The following EPB41L4B variants were observed in gnomAD, a reference collection of about 807,000 sequenced individuals.
EPB41L4B encodes band 4.1-like protein 4B.
Under a neutral mutation model 112.5 loss-of-function variants are expected in EPB41L4B, and 30 were observed. The ratio of observed to expected loss-of-function variants is 0.27; its 90% CI spans 0.20 to 0.36. EPB41L4B has a LOEUF of 0.36. Ranked by LOEUF, EPB41L4B falls within the 10% of genes least tolerant of loss-of-function variation. The pLI is 1.00. For missense variants in EPB41L4B, 1,024 were observed against 1,133.3 expected, an observed-to-expected ratio of 0.90 and a Z score of 1.38; for synonymous variants, 408 against 439.7, an observed-to-expected ratio of 0.93 and a Z score of 0.90.
rs542754618 is a variant in EPB41L4B at position 109,304,640 on chromosome 9, A to G, written c.306+15501T>C. Among the ~76,000 whole-genome samples, 9 of 152,318 alleles carry G rather than the reference A, an allele frequency of 5.9e-5. No homozygotes were observed. The East Asian group carries it at 1.5e-3, about 26-fold the overall frequency. ...AGTTGCCTGATCTCTGTGTGCCTCAATCTCCTATATAATGAGGATACCAAT... is the reference window on the plus strand; with the variant it reads ...AGTTGCCTGATCTCTGTGTGCCTCAGTCTCCTATATAATGAGGATACCAAT... On this transcript the variant is annotated intron_variant, in intron 1 of 25. Coordinates refer to ENST00000374566, the MANE Select transcript of EPB41L4B (RefSeq NM_019114.5).
intron 15 of EPB41L4B, among the ~76,000 whole-genome samples, chr9:109,226,634 AATAT>A (rs879781420): frequency 8.5e-6 from 1 of 117,058 alleles, no homozygotes; most frequent in Non-Finnish European, 1.8e-5. Flanking sequence ...ATATATGAAG[AATAT>A]ATATATATAT....
rs1373928168 is a variant in EPB41L4B, at chr9:109,182,731, T to G, written c.2485A>C (p.Thr829Pro). 6.2e-7 allele frequency: 1 copy of G among 1,609,656 alleles called. No individual in the cohort carries two copies. The highest frequency in any genetic ancestry group is 1.7e-5 in the Admixed American group (1 of 59,994). The change falls in exon 24 of 26, where the codon ACT (threonine) becomes CCT (proline). Residue 829 changes from threonine (T) to proline (P), a missense_variant and splice_region_variant. Physicochemically the swap from Thr to Pro is conservative, Grantham distance 38 (BLOSUM62 -1). Transcript: ENST00000374566. ...ATCTGTTTTCTGGATCTACTTACAG[T>G]AAACTGTGGCCCTGTGGTGAAAGTA... ...PDTFTTGPQF[T>P]ADFRDSKLQC...
chr9:109,259,734 C>T (rs1835130358), intron 6 of EPB41L4B, among the ~76,000 whole-genome samples: 1 of 152,198 alleles, frequency 6.6e-6, no homozygotes, highest in African/African-American at 2.4e-5. Context: ...CCCTTCTTTT[C>T]CTTTTACCTG....
intron 18 of EPB41L4B, among the ~76,000 whole-genome samples, chr9:109,205,324 G>A (rs575485183): frequency 6.6e-6 from 1 of 152,054 alleles, no homozygotes; most frequent in Non-Finnish European, 1.5e-5. Context: ...TTACCTATTT[G>A]TCATCTCTTC....
intron 1 of EPB41L4B, among the ~76,000 whole-genome samples, chr9:109,285,763 C>T (rs992778479): frequency 2.0e-5 from 3 of 152,110 alleles, no homozygotes; most frequent in South Asian, 2.1e-4. Flanking sequence ...TTTGCCTGCA[C>T]CGCCAGCCTG....
chr9:109,308,054 G>A lies in EPB41L4B; in HGVS notation c.306+12087C>T, dbSNP rs184692952. On this transcript the variant is annotated intron_variant, in intron 1 of 25. Coordinates refer to ENST00000374566, the MANE Select transcript of EPB41L4B (RefSeq NM_019114.5). Reference sequence around the variant, plus strand: ...GGTGTTCTCCAACGGTTCCCTCAGAGGCGAACCCCACTGGTTCAAGCTGTC... The same window carrying A: ...GGTGTTCTCCAACGGTTCCCTCAGAAGCGAACCCCACTGGTTCAAGCTGTC... 9.2e-4 allele frequency among the ~76,000 whole-genome samples: 140 copies of A among 152,238 alleles called. 2 individuals carry two copies. The highest frequency in any genetic ancestry group is 2.5e-4 in the Non-Finnish European group (17 of 68,010).
At chr9:109,188,222 A>C (rs1487364745) in intron 22 of EPB41L4B, among the ~76,000 whole-genome samples, 4 of 152,184 alleles carry the variant, frequency 2.6e-5, no homozygotes, top group African/African-American at 9.7e-5. Flanking sequence ...TGGAGAGAAA[A>C]GTCAGAGGGA....
rs115831042 is a variant in EPB41L4B, at chr9:109,315,595, C to A, written c.306+4546G>T. Among the ~76,000 whole-genome samples the A allele has an allele frequency of 3.7e-3, 565 of 152,236 alleles. 2 individuals carry two copies. Among genetic ancestry groups the A allele is most frequent in the African/African-American group, 0.013 (540 of 41,522 alleles). On this transcript the variant is annotated intron_variant, in intron 1 of 25. Coordinates refer to ENST00000374566, the MANE Select transcript of EPB41L4B (RefSeq NM_019114.5). ...TGACAATCAGGGTTCCCAAAGCAGC[C>A]GGTTCCAACTCTTTCACTGACTGAC...
intron 5 of EPB41L4B, among the ~76,000 whole-genome samples, chr9:109,263,315 T>A (rs1213915680): frequency 6.6e-6 from 1 of 152,208 alleles, no homozygotes; most frequent in African/African-American, 2.4e-5. Flanking sequence ...AATAACCCAA[T>A]GTAGGTATAG....
At chr9:109,292,541 T>C (rs1483451616) in intron 1 of EPB41L4B, among the ~76,000 whole-genome samples, 2 of 152,204 alleles carry the variant, frequency 1.3e-5, no homozygotes, top group African/African-American at 4.8e-5. Flanking sequence ...AGGCAGGAGA[T>C]ACCCTGAATG....
At chr9:109,304,807 T>G (rs972757826) in intron 1 of EPB41L4B, among the ~76,000 whole-genome samples, 3 of 152,142 alleles carry the variant, frequency 2.0e-5, no homozygotes, top group Admixed American at 2.0e-4. Flanking sequence ...TATTGCATGA[T>G]TCTATTTATA....
intron 1 of EPB41L4B, among the ~76,000 whole-genome samples, chr9:109,309,015 G>T (rs760244757): frequency 1.3e-5 from 2 of 152,158 alleles, no homozygotes; most frequent in Non-Finnish European, 2.9e-5. Context: ...GCCAGAGGTT[G>T]CAGGGAACCA....
chr9:109,253,302 C>G, intron 12 of EPB41L4B, 139 bp downstream of exon 12: 2 of 637,320 alleles, frequency 3.1e-6, no homozygotes, highest in Non-Finnish European at 5.6e-6. Flanking sequence ...AAAAGAACAC[C>G]ACTGGGATTA....
At chr9:109,286,379 G>C (rs1836279895) in intron 1 of EPB41L4B, among the ~76,000 whole-genome samples, 1 of 152,114 alleles carries the variant, frequency 6.6e-6, no homozygotes, top group African/African-American at 2.4e-5. Flanking sequence ...TAAAAAAGAG[G>C]ATACACTCAT....
At chr9:109,229,367 T>TC (rs1334187056) in intron 15 of EPB41L4B, among the ~76,000 whole-genome samples, 3 of 152,064 alleles carry the variant, frequency 2.0e-5, no homozygotes, top group Non-Finnish European at 2.9e-5. Flanking sequence ...GGTCAAGAAG[T>TC]CCCCCATAGG....
intron 1 of EPB41L4B, among the ~76,000 whole-genome samples, chr9:109,286,491 C>T (rs557226826): frequency 4.6e-4 from 70 of 152,304 alleles, no homozygotes; most frequent in African/African-American, 1.6e-3. Context: ...CATTATGCGA[C>T]GCGTTGTCTA....
intron 1 of EPB41L4B, among the ~76,000 whole-genome samples, chr9:109,298,222 T>G (rs1836813563): frequency 6.6e-6 from 1 of 152,190 alleles, no homozygotes; most frequent in African/African-American, 2.4e-5. Context: ...GGTGAGCTAC[T>G]GTGAATAGAA....
At chr9:109,292,798 T>C (rs573191778) in intron 1 of EPB41L4B, among the ~76,000 whole-genome samples, 2 of 152,300 alleles carry the variant, frequency 1.3e-5, no homozygotes, top group South Asian at 4.1e-4. Flanking sequence ...CAATCAAATA[T>C]GGTGTTAATG....
intron 1 of EPB41L4B, among the ~76,000 whole-genome samples, chr9:109,307,798 C>G (rs1221118873): frequency 6.6e-6 from 1 of 152,004 alleles, no homozygotes; most frequent in Admixed American, 6.6e-5. Context: ...TCTCATGTGC[C>G]AGGGTTGAGA....
Sources: gnomAD v4.1 joint callset for allele counts (sites outside exome capture counted in the v4.1 genomes callset) on GRCh38, gnomAD v4.1.1 for gene constraint, MANE v1.5 for transcripts, NCBI Gene and HGNC (gene_info 2026-07-23, HGNC 2026-07-21) for gene names.